The following CDYL variants were observed in gnomAD, a reference collection of about 807,000 sequenced individuals.
The protein encoded by CDYL is chromodomain Y like, also known as chromodomain Y-like protein.
CDYL carries 8 observed loss-of-function variants against 47.3 expected under a neutral mutation model. The ratio of observed to expected loss-of-function variants is 0.17; its 90% confidence interval spans 0.10 to 0.31. CDYL has a LOEUF of 0.31. Ranked by LOEUF, CDYL falls within the 10% of genes least tolerant of loss-of-function variation. The pLI is 1.00. For missense variants in CDYL, 471 were observed against 701.4 expected (o/e 0.67, Z 3.71); for synonymous variants, 266 against 265.0 (o/e 1.00, Z -0.04).
chr6:4,793,277 T>C (rs1211640476), intron 1 of CDYL, among the ~76,000 whole-genome samples: 1 of 152,208 alleles, frequency 6.6e-6, no homozygotes, highest in Non-Finnish European at 1.5e-5. Context: ...GCTCAGCCAC[T>C]GCCCGCCCAC....
At chr6:4,807,146 C>T (rs1314159904) in intron 1 of CDYL, among the ~76,000 whole-genome samples, 2 of 152,178 alleles carry the variant, frequency 1.3e-5, no homozygotes, top group Admixed American at 6.5e-5. Flanking sequence ...AGTCACCCCA[C>T]TAAAGGCTCT....
intron 1 of CDYL, among the ~76,000 whole-genome samples, chr6:4,826,044 G>A (rs1759973661): frequency 6.6e-6 from 1 of 152,142 alleles, no homozygotes; most frequent in Admixed American, 6.5e-5. Flanking sequence ...ACCTGTTAGT[G>A]GGACGGTCTC....
In CDYL at chr6:4,811,650, G is replaced by A. The variant is rs569385925; in HGVS notation, c.24+34843G>A. ...TTTGAGACAGGGTCTCTGTCATCCA[G>A]GCCATAATGCAGTGGTGCCATTATA... On this transcript the variant is annotated intron_variant, in intron 1 of 6. Coordinates refer to ENST00000397588, the MANE Select transcript of CDYL (RefSeq NM_004824.4). 3.5e-5 allele frequency among the ~76,000 whole-genome samples: 5 copies of A among 143,730 alleles called. No homozygotes were observed. In the Admixed American group the frequency reaches 3.6e-4, roughly 10 times the overall value. The allele number at this position is 143,730 out of a possible 152,430, so 94.3% of individuals were successfully genotyped here. A position where few individuals can be genotyped will look rare whatever the true frequency, so the allele number is the denominator to read the frequency against.
intron 3 of CDYL, among the ~76,000 whole-genome samples, chr6:4,757,979 A>G (rs1375686493): frequency 6.6e-6 from 1 of 152,222 alleles, no homozygotes. Context: ...TTTTTTAAAA[A>G]CAAGTTTCCT....
At chr6:4,878,011 G>A (rs1283665318) in intron 1 of CDYL, among the ~76,000 whole-genome samples, 2 of 152,058 alleles carry the variant, frequency 1.3e-5, no homozygotes, top group Non-Finnish European at 2.9e-5. Context: ...GTATTTTATT[G>A]CATCTATTGA....
intron 2 of CDYL, among the ~76,000 whole-genome samples, chr6:4,919,939 G>A (rs1044613510): frequency 3.5e-5 from 3 of 86,180 alleles, no homozygotes; most frequent in African/African-American, 9.1e-5. Flanking sequence ...GCTAAAAGGT[G>A]GAAGCAACCC....
intron 5 of CDYL, among the ~76,000 whole-genome samples, chr6:4,950,973 G>A (rs1259234412): frequency 4.6e-5 from 7 of 151,010 alleles, no homozygotes; most frequent in Non-Finnish European, 7.4e-5. Context: ...TGAGGAGCCT[G>A]TCCCCAGCCC....
chr6:4,717,740 A>AAAAAAAT (rs1491395482), intron 2 of CDYL, among the ~76,000 whole-genome samples: 3 of 118,822 alleles, frequency 2.5e-5, no homozygotes, highest in African/African-American at 6.7e-5. Flanking sequence ...AAAAAAAAAA[A>AAAAAAAT]TTAAAAATTG....
At chr6:4,778,239 A>G (rs752658587) in intron 1 of CDYL, among the ~76,000 whole-genome samples, 7 of 152,122 alleles carry the variant, frequency 4.6e-5, no homozygotes, top group Non-Finnish European at 1.0e-4. Flanking sequence ...TCTACATTAG[A>G]TCATTCTTTG....
At chr6:4,896,080 G>T (rs1762276103) in intron 2 of CDYL, among the ~76,000 whole-genome samples, 1 of 152,200 alleles carries the variant, frequency 6.6e-6, no homozygotes, top group Admixed American at 6.5e-5. Flanking sequence ...CCTGACCCCT[G>T]TATACTGCTG....
At chr6:4,844,455 G>T (rs1760594965) in intron 1 of CDYL, among the ~76,000 whole-genome samples, 2 of 152,148 alleles carry the variant, frequency 1.3e-5, no homozygotes. Context: ...GATTCTCTTG[G>T]CTTTCCTGGT....
At position 4,734,775 on chromosome 6, in the gene CDYL, T is replaced by C. The variant is rs558919118; in HGVS notation, c.117T>C (p.Asp39=). 5.0e-6 allele frequency: 8 copies of C among 1,614,100 alleles called. No homozygotes were observed. The East Asian group carries it at 1.3e-4, about 27-fold the overall frequency. Residue 39 remains aspartate (D), a synonymous_variant, in exon 3 of 9, where the codon GAT becomes GAC. Coordinates refer to the CDYL transcript ENST00000328908. ...ATTCTGTGCTAGTGTCAGCACCAGA[T>C]GGGCCTTCAGACCCCAGCATCTCCG...
Position 4,860,599 on chromosome 6 carries a change from A to G in CDYL, c.25-31114A>G, listed in dbSNP as rs540069163. ...TATATTATGTATAATATACATATAT[A>G]TCATATATATTATATTTTGTATCAT... On this transcript the variant is annotated intron_variant, in intron 1 of 6. Coordinates refer to ENST00000397588, the MANE Select transcript of CDYL (RefSeq NM_004824.4). 1.1e-4 allele frequency among the ~76,000 whole-genome samples: 16 copies of G among 144,970 alleles called. No homozygotes were observed. The South Asian group carries it at 3.1e-3, about 29-fold the overall frequency.
intron 1 of CDYL, among the ~76,000 whole-genome samples, chr6:4,859,137 A>G (rs1482543374): frequency 1.3e-5 from 2 of 152,164 alleles, no homozygotes; most frequent in Non-Finnish European, 2.9e-5. Context: ...GGTGGCTGGC[A>G]GTTCTTTTAC....
intron 1 of CDYL, among the ~76,000 whole-genome samples, chr6:4,803,964 T>G (rs1759297043): frequency 6.6e-6 from 1 of 150,678 alleles, no homozygotes; most frequent in Non-Finnish European, 1.5e-5. Context: ...CTTATGTGTC[T>G]CATGGCGTAG....
At chr6:4,767,188 C>A (rs1758267275) in intron 3 of CDYL, among the ~76,000 whole-genome samples, 1 of 151,714 alleles carries the variant, frequency 6.6e-6, no homozygotes. Context: ...TATGTCAATG[C>A]ATTTACAAAA....
At chr6:4,922,079 A>G (rs1386955666) in intron 2 of CDYL, among the ~76,000 whole-genome samples, 1 of 152,126 alleles carries the variant, frequency 6.6e-6, no homozygotes, top group East Asian at 1.9e-4. Context: ...TGAATTTGGT[A>G]TGAGCTTAGC....
At chr6:4,858,660 CA>C (rs1477130828) in intron 1 of CDYL, among the ~76,000 whole-genome samples, 1 of 152,194 alleles carries the variant, frequency 6.6e-6, no homozygotes, top group Non-Finnish European at 1.5e-5. Context: ...GGATATGCTG[CA>C]AATCTTGCAG....
chr6:4,787,245 T>G (rs1758778835), intron 1 of CDYL, among the ~76,000 whole-genome samples: 1 of 12,512 alleles, frequency 8.0e-5, no homozygotes, highest in African/African-American at 4.8e-4. Flanking sequence ...GAAGTAGGAG[T>G]GTGTGTTTGA....
Sources: gnomAD v4.1 joint callset for allele counts (sites outside exome capture counted in the v4.1 genomes callset) on GRCh38, gnomAD v4.1.1 for gene constraint, MANE v1.5 for transcripts, NCBI Gene and HGNC (gene_info 2026-07-23, HGNC 2026-07-21) for gene names.